The following RNF20 variants were observed in gnomAD, a reference collection of about 807,000 sequenced individuals.
The protein encoded by RNF20 is E3 ubiquitin-protein ligase BRE1A.
A neutral mutation model predicts 126.2 loss-of-function variants in RNF20; 84 were observed. The observed-to-expected ratio is 0.67, with a 90% confidence interval of 0.56 to 0.80. The LOEUF is 0.80. Ranked by LOEUF, RNF20 falls within the 30% of genes least tolerant of loss-of-function variation. The probability of loss-of-function intolerance (pLI) is 0.00; values close to 1 mark genes in which losing one functional copy is unlikely to be tolerated. For synonymous variants in RNF20, 400 were observed against 414.3 expected (o/e 0.97, Z 0.42); for missense variants, 869 against 1,188.2 (o/e 0.73, Z 3.95).
At chr9:101,543,357 G>C (rs1392066889) in intron 5 of RNF20, among the ~76,000 whole-genome samples, 1 of 147,478 alleles carries the variant, frequency 6.8e-6, no homozygotes, top group East Asian at 2.1e-4. Flanking sequence ...GGGCGGCACT[G>C]TCTAACCCTG....
chr9:101,553,391 C>A (rs1255680030), intron 13 of RNF20, among the ~76,000 whole-genome samples: 2 of 152,120 alleles, frequency 1.3e-5, no homozygotes, highest in Non-Finnish European at 2.9e-5. Flanking sequence ...ACTTGAGAGA[C>A]CACTGTGCTC....
Position 101,551,803 on chromosome 9 carries a change from T to C in RNF20, c.1392T>C (p.Ala464=). ...MLRIEFEQTL[A]ANEQAGPINR... ...GGATAGAATTTGAGCAGACCCTTGC[T>C]GCCAATGAACAAGCAGGTATAATGA... The change falls in exon 11 of 20, where the codon GCT becomes GCC. Residue 464 remains alanine (A), a synonymous_variant. Transcript: ENST00000389120. 6.2e-7 allele frequency: 1 copy of C among 1,608,156 alleles called. No individual in the cohort carries two copies. Among genetic ancestry groups the C allele is most frequent in the Non-Finnish European group, 8.5e-7 (1 of 1,178,242 alleles).
intron 10 of RNF20, 76 bp from the exon 11 acceptor site, chr9:101,551,608 G>T: frequency 1.5e-6 from 2 of 1,331,698 alleles, no homozygotes; most frequent in Admixed American, 2.6e-5. Flanking sequence ...GAAATTTTCA[G>T]AGTAATCCAT....
At chr9:101,538,488 G>T (rs796379408) in intron 2 of RNF20, among the ~76,000 whole-genome samples, 1 of 152,076 alleles carries the variant, frequency 6.6e-6, no homozygotes, top group Non-Finnish European at 1.5e-5. Context: ...AGGAAGGTGG[G>T]GTAATGGCCT....
chr9:101,546,667 T>A (rs1827351777), intron 6 of RNF20, among the ~76,000 whole-genome samples, 153 bp from the exon 7 acceptor site: 1 of 152,204 alleles, frequency 6.6e-6, no homozygotes, highest in Non-Finnish European at 1.5e-5. Flanking sequence ...GTTGGAGGAA[T>A]CCGTGATTTC....
intron 18 of RNF20, 151 bp from the exon 19 acceptor site, chr9:101,561,759 C>A: frequency 1.4e-6 from 1 of 690,210 alleles, no homozygotes; most frequent in African/African-American, 1.8e-5. Context: ...AATATCCTGC[C>A]ATTTGCAGTT....
chr9:101,550,832 A>G (rs181249186), intron 10 of RNF20, 47 bp downstream of exon 10: 2 of 1,556,414 alleles, frequency 1.3e-6, no homozygotes, highest in African/African-American at 2.7e-5. Flanking sequence ...CTTGCCTCCT[A>G]AATTTTACAA....
chr9:101,547,106 T>C, intron 7 of RNF20, 31 bp from the exon 8 acceptor site: 1 of 1,609,948 alleles, frequency 6.2e-7, no homozygotes, highest in Non-Finnish European at 8.5e-7. Context: ...CTTAAGAGTC[T>C]CTCACTAAAG....
intron 9 of RNF20, 61 bp from the exon 10 acceptor site, chr9:101,550,545 C>A: frequency 7.0e-7 from 1 of 1,438,612 alleles, no homozygotes; most frequent in Non-Finnish European, 9.5e-7. Flanking sequence ...ATTTTACTTC[C>A]TGTCTAGCGT....
intron 1 of RNF20, among the ~76,000 whole-genome samples, chr9:101,534,930 C>G (rs982239647): frequency 2.3e-3 from 324 of 142,028 alleles, no homozygotes; most frequent in African/African-American, 8.2e-3. Flanking sequence ...TTTTTTGAGA[C>G]GGAGTCCCGC....
chr9:101,539,181 G>A (rs768654535), intron 2 of RNF20, among the ~76,000 whole-genome samples: 3 of 152,190 alleles, frequency 2.0e-5, no homozygotes, highest in Non-Finnish European at 4.4e-5. Context: ...ATGTTGCCTT[G>A]CTGGAGAATG....
rs1238484468 is a variant in RNF20, at chr9:101,552,370, T to C, written c.1531-13T>C. ...ATAAGAGATGTGCATCTTTCTTTTC[T>C]TTATTCTCCCAGACACGCCTGCGTA... is the stretch of plus-strand genomic sequence containing the variant. On this transcript the variant is annotated splice_polypyrimidine_tract_variant and intron_variant, in intron 12 of 19. Coordinates refer to ENST00000389120, the MANE Select transcript of RNF20 (RefSeq NM_019592.7). The C allele has an allele frequency of 1.2e-6, 2 of 1,605,876 alleles. No homozygotes were observed. The highest frequency in any genetic ancestry group is 3.4e-5 in the Admixed American group (2 of 59,368).
chr9:101,539,927 C>T (rs1564106813), intron 2 of RNF20, among the ~76,000 whole-genome samples: 1 of 151,562 alleles, frequency 6.6e-6, no homozygotes, highest in Non-Finnish European at 1.5e-5. Context: ...TGGATGGTGG[C>T]CTTAAAGCAG....
At chr9:101,557,878 T>A (rs1827561444) in intron 16 of RNF20, among the ~76,000 whole-genome samples, 1 of 152,148 alleles carries the variant, frequency 6.6e-6, no homozygotes, top group Non-Finnish European at 1.5e-5. Flanking sequence ...TTAAAGTATA[T>A]GTTTACTTGT....
rs373105826 is a variant in RNF20 at position 101,540,845 on chromosome 9, C to T, written c.498C>T (p.Ser166=). The T allele has an allele frequency of 7.4e-5, 119 of 1,613,848 alleles. No homozygotes were observed. The highest frequency in any genetic ancestry group is 9.7e-5 in the Non-Finnish European group (114 of 1,179,980). The change falls in exon 5 of 20, where the codon TCC becomes TCT. Residue 166 remains serine, a synonymous_variant. Coordinates refer to ENST00000389120, the MANE Select transcript of RNF20 (RefSeq NM_019592.7). The part of the protein sequence containing the change: ...FSFLATLASS[S]SEEMESQLQE... ...TCCTTGCTACTTTGGCCAGCAGTTCCAGTGAAGAGATGGAGTCTCAGCTGC... is the reference window on the plus strand; with the variant it reads ...TCCTTGCTACTTTGGCCAGCAGTTCTAGTGAAGAGATGGAGTCTCAGCTGC...
At chr9:101,544,937 T>C (rs749976575) in intron 6 of RNF20, 52 bp downstream of exon 6, 2 of 1,120,220 alleles carry the variant, frequency 1.8e-6, no homozygotes, top group African/African-American at 1.5e-5. Flanking sequence ...GTGGCAGATG[T>C]TGACTTACAA....
chr9:101,556,605 C>A (rs1441839998), intron 15 of RNF20, among the ~76,000 whole-genome samples: 1 of 151,884 alleles, frequency 6.6e-6, no homozygotes, highest in Non-Finnish European at 1.5e-5. Context: ...CCATTAAATT[C>A]CTTTATAATT....
chr9:101,558,581 T>G (rs1290763782), intron 16 of RNF20, among the ~76,000 whole-genome samples: 1 of 152,186 alleles, frequency 6.6e-6, no homozygotes, highest in Non-Finnish European at 1.5e-5. Flanking sequence ...ATTTTTTGAT[T>G]TTTTGATTAT....
At chr9:101,542,227 T>G (rs1827271307) in intron 5 of RNF20, among the ~76,000 whole-genome samples, 1 of 152,368 alleles carries the variant, frequency 6.6e-6, no homozygotes, top group African/African-American at 2.4e-5. Context: ...GGGTTTCTTT[T>G]GCTTTTCCAT....
Sources: allele counts gnomAD v4.1 joint callset (sites outside exome capture counted in the v4.1 genomes callset), GRCh38; gene constraint gnomAD v4.1.1; transcripts MANE v1.5; gene names NCBI Gene and HGNC (gene_info 2026-07-23, HGNC 2026-07-21).